ERLEC1: variants seen among roughly 807,000 people sequenced by gnomAD.
The protein encoded by ERLEC1 is ER lectin.
ERLEC1 carries 47 observed loss-of-function variants against 68.0 expected under a neutral mutation model. That is an observed-to-expected ratio of 0.69 (90% CI 0.55 to 0.88). The LOEUF (loss-of-function observed/expected upper bound fraction) is 0.88. Among genes scored for constraint, ERLEC1 ranks in the 40% least tolerant of loss-of-function variants. ERLEC1 has a pLI of 0.00. For missense variants in ERLEC1, 567 were observed against 583.8 expected, an observed-to-expected ratio of 0.97 and a Z score of 0.30; for synonymous variants, 225 against 203.2, an observed-to-expected ratio of 1.11 and a Z score of -0.91.
Position 53,818,693 on chromosome 2 carries a change from C to T in ERLEC1, c.*724C>T, listed in dbSNP as rs551316684. On this transcript the variant is annotated 3_prime_UTR_variant, in exon 14 of 14. Transcript: ENST00000185150. Reference sequence around the variant, plus strand: ...CAGAATGGTTTACTCTAACAAAACACTGTGCTGTCTATCCCTTGTACTTGC... The same window carrying T: ...CAGAATGGTTTACTCTAACAAAACATTGTGCTGTCTATCCCTTGTACTTGC... 8 of 152,372 alleles carry T rather than the reference C, an allele frequency of 5.3e-5. No individual in the cohort carries two copies. Among genetic ancestry groups the T allele is most frequent in the African/African-American group, 1.9e-4 (8 of 41,578 alleles). The allele number at this position is 152,372 out of a possible 1,614,324, so 9.4% of individuals were successfully genotyped here.
chr2:53,796,160 G>A (rs562875128), intron 3 of ERLEC1, 147 bp downstream of exon 3: 1 of 475,014 alleles, frequency 2.1e-6, no homozygotes, highest in Non-Finnish European at 3.6e-6. Context: ...GTGCAGGATT[G>A]TTATATAGGT....
intron 10 of ERLEC1, among the ~76,000 whole-genome samples, chr2:53,810,148 A>C (rs6545367): frequency 0.11 from 17,436 of 152,076 alleles, 1,602 homozygotes; most frequent in African/African-American, 0.26. Flanking sequence ...AAATTGGGTA[A>C]ATACAGCAAG....
At chr2:53,800,310 C>G (rs888572545) in intron 6 of ERLEC1, among the ~76,000 whole-genome samples, 1 of 152,100 alleles carries the variant, frequency 6.6e-6, no homozygotes, top group African/African-American at 2.4e-5. Context: ...GATATATGCT[C>G]CATTACAATC....
intron 6 of ERLEC1, among the ~76,000 whole-genome samples, chr2:53,800,476 A>C (rs568146546): frequency 1.3e-5 from 2 of 152,260 alleles, no homozygotes; most frequent in Middle Eastern, 3.4e-3. Context: ...ATTTGAACCC[A>C]GGATTTTCTA....
chr2:53,793,158 T>C (rs886083720), intron 1 of ERLEC1, among the ~76,000 whole-genome samples: 4 of 152,212 alleles, frequency 2.6e-5, no homozygotes, highest in African/African-American at 9.6e-5. Context: ...TTAGAACATG[T>C]GTCATAAAAC....
intron 5 of ERLEC1, among the ~76,000 whole-genome samples, chr2:53,798,590 GA>G: frequency 6.6e-6 from 1 of 151,550 alleles, no homozygotes; most frequent in African/African-American, 2.4e-5. Context: ...AAATAAGTAA[GA>G]AAAAAACATG....
Position 53,787,114 on chromosome 2 carries a change from A to T in ERLEC1, c.-97A>T. 1 of 1,358,444 alleles carries T rather than the reference A, an allele frequency of 7.4e-7. No individual in the cohort carries two copies. The highest frequency in any genetic ancestry group is 9.6e-7 in the Non-Finnish European group (1 of 1,041,214). The allele number at this position is 1,358,444 out of a possible 1,614,324, so 84.1% of individuals were successfully genotyped here. On this transcript the variant is annotated 5_prime_UTR_variant, in exon 1 of 14. Transcript: ENST00000185150. ...TGGGCCGGTGATACCCGGGCGCTTTATAGTCCCGCCGCCTCCTCCTCCACC... is the reference window on the plus strand; with the variant it reads ...TGGGCCGGTGATACCCGGGCGCTTTTTAGTCCCGCCGCCTCCTCCTCCACC...
chr2:53,811,245 TTTAAG>T (rs137911242), intron 10 of ERLEC1, among the ~76,000 whole-genome samples: 1,785 of 152,314 alleles, frequency 0.012, 37 homozygotes, highest in African/African-American at 0.041. Flanking sequence ...CTAATGGACC[TTTAAG>T]TTGTTTCCAG....
At chr2:53,790,214 C>A (rs1675316175) in intron 1 of ERLEC1, among the ~76,000 whole-genome samples, 2 of 151,856 alleles carry the variant, frequency 1.3e-5, no homozygotes, top group South Asian at 2.1e-4. Flanking sequence ...GTTGCCCAGC[C>A]TCCCCAGTAG....
intron 10 of ERLEC1, among the ~76,000 whole-genome samples, chr2:53,812,574 T>C (rs1224878615): frequency 6.6e-6 from 1 of 152,094 alleles, no homozygotes; most frequent in Non-Finnish European, 1.5e-5. Flanking sequence ...TATCTAGGTA[T>C]GAGAGATTAA....
rs767981662 is a variant in ERLEC1, at chr2:53,814,638, A to C, written c.1304+18A>C. The C allele has an allele frequency of 3.2e-6, 5 of 1,566,596 alleles. No individual in the cohort carries two copies. On this transcript the variant is annotated intron_variant, in intron 12 of 13. Transcript: ENST00000185150. ...AAACTAAAGTAAGTTAGACCATCAA[A>C]TCATGCTGTATGCCTTTGTCTTTTA...
intron 2 of ERLEC1, 21 bp downstream of exon 2, chr2:53,794,470 T>C: frequency 9.1e-7 from 1 of 1,098,760 alleles, no homozygotes; most frequent in Non-Finnish European, 1.4e-6. Flanking sequence ...ATAAATATAT[T>C]GATAATCCTG....
At position 53,799,050 on chromosome 2, in the gene ERLEC1, G is replaced by A. The variant is rs748288717; in HGVS notation, c.494G>A (p.Arg165Gln). Residue 165 changes from arginine to glutamine, a missense_variant, in exon 6 of 14, where the codon CGA becomes CAA. Arg to Gln is a conservative substitution (Grantham distance 43). Coordinates refer to ENST00000185150, the MANE Select transcript of ERLEC1 (RefSeq NM_015701.5). ...CACTTACCTTATTATTCCACAGAAC[G>A]AGAAGCAGAAGAAAAGGAAAAATCA... ...LAKNLLFEKE[R>Q]EAEEKEKSNE... is the part of the protein sequence containing the mutation. 14 of 1,612,218 alleles carry A rather than the reference G, an allele frequency of 8.7e-6. No homozygotes were observed. Among genetic ancestry groups the A allele is most frequent in the Admixed American group, 5.0e-5 (3 of 59,894 alleles).
rs770557158 is a variant in ERLEC1 at position 53,801,777 on chromosome 2, C to A, written c.814C>A (p.Leu272Ile). 1 of 1,614,000 alleles carries A rather than the reference C, an allele frequency of 6.2e-7. No homozygotes were observed. The highest frequency in any genetic ancestry group is 1.7e-5 in the Admixed American group (1 of 60,012). The change falls in exon 8 of 14, where the codon CTC (leucine) becomes ATC (isoleucine). Residue 272 changes from leucine to isoleucine, a missense_variant. By Grantham distance (5) the Leu-to-Ile change is conservative. Transcript: ENST00000185150. The stretch of plus-strand genomic sequence containing the variant: ...ACTGCCAGGATCTCCATTTAAGCCC[C>A]TCACCCTGAGGCAGCTGGAGCAGCA... ...QSLPGSPFKP[L>I]TLRQLEQQEE...
At chr2:53,805,231 CA>C (rs34160747) in intron 8 of ERLEC1, among the ~76,000 whole-genome samples, 24,805 of 151,850 alleles carry the variant, frequency 0.16, 2,117 homozygotes, top group South Asian at 0.24. Flanking sequence ...CCATCTTGGG[CA>C]AGCTGGTCTC....
chr2:53,808,222 A>G (rs1242014960), intron 8 of ERLEC1, 77 bp from the exon 9 acceptor site: 2 of 1,492,812 alleles, frequency 1.3e-6, no homozygotes, highest in East Asian at 2.3e-5. Flanking sequence ...CAGTTTAAAA[A>G]TAATAACTTA....
At chr2:53,796,151 T>C in intron 3 of ERLEC1, 138 bp downstream of exon 3, 1 of 555,478 alleles carries the variant, frequency 1.8e-6, no homozygotes, top group South Asian at 2.7e-5. Flanking sequence ...GGGTTACCTG[T>C]GCAGGATTGT....
chr2:53,794,717 C>T (rs976927658), intron 2 of ERLEC1, among the ~76,000 whole-genome samples: 1 of 152,098 alleles, frequency 6.6e-6, no homozygotes, highest in Non-Finnish European at 1.5e-5. Context: ...GGCAGTGGCA[C>T]GATCTTGGCT....
rs1558586685 is a variant in ERLEC1, at chr2:53,787,402, CCCT to C, written c.162+37_162+39del. ...GTGCCCTCACTAACCCCGCAGCCAC[CCCT>C]CCTCCTGACACTAAGGGTTCGGCCT... On this transcript the variant is annotated intron_variant, in intron 1 of 13. Coordinates refer to ENST00000185150, the MANE Select transcript of ERLEC1 (RefSeq NM_015701.5). 6 of 1,589,980 alleles carry C rather than the reference CCCT, an allele frequency of 3.8e-6. No homozygotes were observed. The Middle Eastern group carries it at 6.7e-4, about 178-fold the overall frequency.
Sources: gnomAD v4.1 joint callset for allele counts (sites outside exome capture counted in the v4.1 genomes callset) on GRCh38, gnomAD v4.1.1 for gene constraint, MANE v1.5 for transcripts, NCBI Gene and HGNC (gene_info 2026-07-23, HGNC 2026-07-21) for gene names.